IL1RAPL1: variants seen among roughly 807,000 people sequenced by gnomAD.
The protein encoded by IL1RAPL1 is interleukin 1 receptor accessory protein like 1, also known as interleukin-1 receptor accessory protein-like 1.
In IL1RAPL1, 3 loss-of-function variants were observed where a neutral mutation model predicts 48.4. That is an observed-to-expected ratio of 0.06 (90% CI 0.03 to 0.16). IL1RAPL1 has a LOEUF of 0.16. Ranked by LOEUF, IL1RAPL1 falls within the 10% of genes least tolerant of loss-of-function variation. The probability of loss-of-function intolerance (pLI) is 1.00; values close to 1 mark genes in which losing one functional copy is unlikely to be tolerated. For synonymous variants in IL1RAPL1, 185 were observed against 187.7 expected (o/e 0.99, Z 0.12); for missense variants, 349 against 530.6 (o/e 0.66, Z 3.36).
intron 3 of IL1RAPL1, among the ~76,000 whole-genome samples, chrX:29,355,486 C>T (rs925019964): frequency 1.1e-4 from 12 of 112,122 alleles, no homozygotes; most frequent in Admixed American, 1.9e-4. Flanking sequence ...TGGTTAAAAC[C>T]CAGAAATACT....
At chrX:28,810,221 G>A (rs1279641935) in intron 2 of IL1RAPL1, among the ~76,000 whole-genome samples, 2 of 110,190 alleles carry the variant, frequency 1.8e-5, no homozygotes, top group Admixed American at 9.8e-5. Flanking sequence ...AAATTGTATT[G>A]AAAACCATTT....
At chrX:29,318,272 A>G (rs1436502313) in intron 3 of IL1RAPL1, among the ~76,000 whole-genome samples, 1 of 112,573 alleles carries the variant, frequency 8.9e-6, no homozygotes. Context: ...TTTGAACCAC[A>G]TTGACCTATC....
intron 3 of IL1RAPL1, among the ~76,000 whole-genome samples, chrX:29,370,565 C>T (rs896981797): frequency 9.1e-6 from 1 of 109,742 alleles, no homozygotes; most frequent in Admixed American, 9.9e-5. Context: ...TACTTCTGGT[C>T]CTAAATTCTT....
chrX:28,922,637 T>C (rs970467943), intron 2 of IL1RAPL1, among the ~76,000 whole-genome samples: 2 of 112,159 alleles, frequency 1.8e-5, no homozygotes, highest in African/African-American at 6.5e-5. Flanking sequence ...TCAAGCCATC[T>C]TGGCCCTTTG....
At chrX:29,658,674 G>A (rs1437888410) in intron 5 of IL1RAPL1, among the ~76,000 whole-genome samples, 1 of 111,429 alleles carries the variant, frequency 9.0e-6, no homozygotes, top group Non-Finnish European at 1.9e-5. Flanking sequence ...AATAAATTTG[G>A]GTGTATACTT....
At chrX:29,440,918 A>G (rs775058621) in intron 5 of IL1RAPL1, among the ~76,000 whole-genome samples, 1 of 111,879 alleles carries the variant, frequency 8.9e-6, no homozygotes, top group East Asian at 2.8e-4. Context: ...GCAATAAACA[A>G]TATGTAAAGA....
At chrX:28,853,186 GTC>G (rs1921709453) in intron 2 of IL1RAPL1, among the ~76,000 whole-genome samples, 1 of 111,728 alleles carries the variant, frequency 9.0e-6, no homozygotes, top group Non-Finnish European at 1.9e-5. Flanking sequence ...AATGCAGACT[GTC>G]TACAGCAACT....
chrX:28,718,053 T>C (rs1935524414), intron 1 of IL1RAPL1, among the ~76,000 whole-genome samples: 1 of 111,632 alleles, frequency 9.0e-6, no homozygotes, highest in Non-Finnish European at 1.9e-5. Flanking sequence ...GTTCTTACTA[T>C]TATGCAATAC....
At chrX:29,593,762 CTGTT>C (rs1213194281) in intron 5 of IL1RAPL1, among the ~76,000 whole-genome samples, 7 of 111,911 alleles carry the variant, frequency 6.3e-5, no homozygotes, top group African/African-American at 1.9e-4. Flanking sequence ...TGATTTTACT[CTGTT>C]TGAAAAATAT....
chrX:29,219,169 A>G (rs969514515), intron 2 of IL1RAPL1, among the ~76,000 whole-genome samples: 1 of 112,225 alleles, frequency 8.9e-6, no homozygotes, highest in African/African-American at 3.2e-5. Flanking sequence ...ATTAATCGAT[A>G]ATTGGGAAAT....
chrX:29,470,786 G>A (rs932349568), intron 5 of IL1RAPL1, among the ~76,000 whole-genome samples: 35 of 110,013 alleles, frequency 3.2e-4, no homozygotes, highest in East Asian at 8.7e-4. Context: ...AGTATGCATC[G>A]TGTCTGGTTA....
At chrX:29,473,344 G>C (rs753578478) in intron 5 of IL1RAPL1, among the ~76,000 whole-genome samples, 2 of 111,315 alleles carry the variant, frequency 1.8e-5, no homozygotes, top group East Asian at 5.6e-4. Flanking sequence ...CACATTCTGA[G>C]GTACTAGGGG....
intron 2 of IL1RAPL1, among the ~76,000 whole-genome samples, chrX:29,063,913 T>A (rs1927394849): frequency 8.9e-6 from 1 of 111,911 alleles, no homozygotes; most frequent in Admixed American, 9.5e-5. Flanking sequence ...ATATGAAAGT[T>A]ACTCTATGGG....
intron 2 of IL1RAPL1, among the ~76,000 whole-genome samples, chrX:28,987,400 C>G (rs1215875199): frequency 8.9e-6 from 1 of 112,155 alleles, no homozygotes; most frequent in African/African-American, 3.2e-5. Context: ...TCCTGAAATT[C>G]TGACATCCTG....
intron 6 of IL1RAPL1, among the ~76,000 whole-genome samples, chrX:29,889,311 A>G (rs1932228171): frequency 8.9e-6 from 1 of 111,879 alleles, no homozygotes; most frequent in Admixed American, 9.5e-5. Flanking sequence ...AACTTTCATC[A>G]TTTGTGATAT....
intron 2 of IL1RAPL1, among the ~76,000 whole-genome samples, chrX:28,916,923 T>C (rs771695718): frequency 1.8e-5 from 2 of 112,257 alleles, no homozygotes; most frequent in Non-Finnish European, 3.8e-5. Context: ...TTTTTCTAAA[T>C]GGCTCCCAAT....
rs758594773 is a variant in IL1RAPL1, at chrX:28,699,266, C to T, written c.-24-90054C>T. 4.5e-5 allele frequency among the ~76,000 whole-genome samples: 5 copies of T among 111,938 alleles called. No homozygotes were observed. The East Asian group carries it at 1.4e-3, about 32-fold the overall frequency. ...CTATTTAATACTTTAAAAGAGTATG[C>T]TTTCTGTTTTTCTGGTTGTGTAAAA... On this transcript the variant is annotated intron_variant, in intron 1 of 10. Coordinates refer to ENST00000378993, the MANE Select transcript of IL1RAPL1 (RefSeq NM_014271.4).
chrX:29,368,590 CTTTTTTTTTT>C (rs894805840), intron 3 of IL1RAPL1, among the ~76,000 whole-genome samples: 2 of 87,676 alleles, frequency 2.3e-5, no homozygotes, highest in Non-Finnish European at 4.4e-5. Context: ...CTTTTTCTTT[CTTTTTTTTTT>C]TTTTTTTTTG....
Position 29,008,347 on chromosome X carries a change from T to G in IL1RAPL1, c.82+218922T>G, listed in dbSNP as rs181719369. 5.0e-3 allele frequency among the ~76,000 whole-genome samples: 511 copies of G among 103,004 alleles called. 2 individuals are homozygous for G. The highest frequency in any genetic ancestry group is 0.018 in the African/African-American group (488 of 26,398). 89.4% of individuals were successfully genotyped at this position (103,004 alleles called of 115,157 possible). On this transcript the variant is annotated intron_variant, in intron 2 of 10. Transcript: ENST00000378993. ...CCGCCACCACGCTTGGCTATTTTTTTGTATTTTTAGTAGAGATGGAGTTTC... is the reference window on the plus strand; with the variant it reads ...CCGCCACCACGCTTGGCTATTTTTTGGTATTTTTAGTAGAGATGGAGTTTC...
Sources: allele counts gnomAD v4.1 joint callset (sites outside exome capture counted in the v4.1 genomes callset), GRCh38; gene constraint gnomAD v4.1.1; transcripts MANE v1.5; gene names NCBI Gene and HGNC (gene_info 2026-07-23, HGNC 2026-07-21).